CHCHD3: variants seen among roughly 807,000 people sequenced by gnomAD.
The protein encoded by CHCHD3 is MICOS complex subunit MIC19.
A neutral mutation model predicts 38.2 loss-of-function variants in CHCHD3; 20 were observed. That is an observed-to-expected ratio of 0.52 (90% CI 0.37 to 0.76). The LOEUF is 0.76. CHCHD3 is among the 30% of genes least tolerant of loss of function. The probability of loss-of-function intolerance (pLI) is 0.00; values close to 1 mark genes in which losing one functional copy is unlikely to be tolerated. For missense variants in CHCHD3, 245 were observed against 279.2 expected (o/e 0.88, Z 0.87); for synonymous variants, 82 against 100.0 (o/e 0.82, Z 1.07).
At chr7:133,067,061 A>G (rs1175350257) in intron 2 of CHCHD3, among the ~76,000 whole-genome samples, 1 of 152,226 alleles carries the variant, frequency 6.6e-6, no homozygotes, top group East Asian at 1.9e-4. Flanking sequence ...TTTGGGCAAA[A>G]TAATTAATCA....
chr7:133,055,073 C>G (rs1814277197), intron 2 of CHCHD3, among the ~76,000 whole-genome samples: 1 of 151,672 alleles, frequency 6.6e-6, no homozygotes, highest in South Asian at 2.1e-4. Context: ...ACCTTTAATC[C>G]CAGCTACTTG....
At chr7:132,787,867 T>C (rs916086490) in intron 7 of CHCHD3, among the ~76,000 whole-genome samples, 4 of 152,108 alleles carry the variant, frequency 2.6e-5, no homozygotes, top group African/African-American at 9.7e-5. Context: ...GATTCTGTCA[T>C]ACAGGAGGTA....
At chr7:133,076,007 C>T (rs560517525) in intron 1 of CHCHD3, among the ~76,000 whole-genome samples, 3 of 145,026 alleles carry the variant, frequency 2.1e-5, no homozygotes, top group Non-Finnish European at 3.0e-5. Context: ...TGCAATGAGC[C>T]GAGATCGCAC....
At chr7:133,002,166 T>G (rs1029253888) in intron 3 of CHCHD3, among the ~76,000 whole-genome samples, 2 of 152,202 alleles carry the variant, frequency 1.3e-5, no homozygotes, top group African/African-American at 4.8e-5. Flanking sequence ...TGATCTTCAC[T>G]TCAAAGAGAG....
At chr7:133,053,041 C>T (rs1391925748) in intron 2 of CHCHD3, among the ~76,000 whole-genome samples, 2 of 152,210 alleles carry the variant, frequency 1.3e-5, no homozygotes, top group Admixed American at 6.5e-5. Context: ...GTGGCTTTGG[C>T]ACACAGCTCC....
chr7:133,013,206 A>G (rs10244557), intron 3 of CHCHD3, among the ~76,000 whole-genome samples: 1,837 of 108,556 alleles, frequency 0.017, 205 homozygotes, highest in African/African-American at 0.046. Flanking sequence ...AAAAAAAAAA[A>G]CATTCAGACA....
intron 4 of CHCHD3, among the ~76,000 whole-genome samples, chr7:132,946,005 C>T (rs1045039755): frequency 6.6e-6 from 1 of 151,664 alleles, no homozygotes; most frequent in African/African-American, 2.4e-5. Context: ...GCACACTGTC[C>T]AAAGATACAT....
At chr7:132,829,447 C>T (rs1209880293) in intron 6 of CHCHD3, among the ~76,000 whole-genome samples, 1 of 152,006 alleles carries the variant, frequency 6.6e-6, no homozygotes, top group Admixed American at 6.6e-5. Flanking sequence ...GATGTTCCTG[C>T]TGGGGAAGAC....
At chr7:132,872,944 T>G (rs1189681789) in intron 5 of CHCHD3, among the ~76,000 whole-genome samples, 4 of 151,854 alleles carry the variant, frequency 2.6e-5, no homozygotes, top group Non-Finnish European at 5.9e-5. Context: ...CTCTACAAAT[T>G]AGCCAGTCAT....
chr7:132,967,951 T>C (rs1811518638), intron 4 of CHCHD3, among the ~76,000 whole-genome samples: 3 of 152,132 alleles, frequency 2.0e-5, no homozygotes, highest in African/African-American at 7.2e-5. Flanking sequence ...AAACTTTAAA[T>C]CTGTAATCGC....
At chr7:132,954,591 C>T (rs1392251619) in intron 4 of CHCHD3, among the ~76,000 whole-genome samples, 2 of 152,044 alleles carry the variant, frequency 1.3e-5, no homozygotes, top group African/African-American at 4.8e-5. Context: ...TCAACCTGGG[C>T]TGTCTTCAGC....
intron 2 of CHCHD3, among the ~76,000 whole-genome samples, chr7:133,043,266 T>C (rs1813881602): frequency 6.6e-6 from 1 of 152,172 alleles, no homozygotes; most frequent in Non-Finnish European, 1.5e-5. Context: ...AATTTAAATA[T>C]GACACTATAT....
intron 6 of CHCHD3, among the ~76,000 whole-genome samples, chr7:132,816,243 TA>T (rs1237091438): frequency 6.6e-6 from 1 of 152,160 alleles, no homozygotes; most frequent in Non-Finnish European, 1.5e-5. Context: ...CCACATCCTC[TA>T]AAAGGGAAGC....
chr7:132,875,582 AAC>A (rs1158027867), intron 5 of CHCHD3, among the ~76,000 whole-genome samples: 6 of 152,180 alleles, frequency 3.9e-5, no homozygotes, highest in Non-Finnish European at 7.3e-5. Flanking sequence ...TTCTTCACAA[AAC>A]ACACAGCCTC....
At chr7:132,902,009 A>G (rs1809682327) in intron 4 of CHCHD3, among the ~76,000 whole-genome samples, 1 of 152,068 alleles carries the variant, frequency 6.6e-6, no homozygotes, top group African/African-American at 2.4e-5. Context: ...TTTTTGTATA[A>G]GGTGTAAGGA....
At chr7:133,009,321 G>A (rs542774867) in intron 3 of CHCHD3, among the ~76,000 whole-genome samples, 31 of 139,156 alleles carry the variant, frequency 2.2e-4, no homozygotes, top group South Asian at 6.6e-4. Context: ...CCAAGATCGC[G>A]CCACTGCACT....
chr7:132,984,643 G>C (rs1393288367), intron 3 of CHCHD3, among the ~76,000 whole-genome samples: 3 of 147,216 alleles, frequency 2.0e-5, no homozygotes, highest in East Asian at 2.0e-4. Flanking sequence ...GCCGCCCATC[G>C]TCTGAGATGT....
chr7:132,854,111 G>C (rs1285242481), intron 5 of CHCHD3, among the ~76,000 whole-genome samples: 1 of 152,076 alleles, frequency 6.6e-6, no homozygotes, highest in East Asian at 1.9e-4. Flanking sequence ...ACAATTTACG[G>C]CAACATGTTT....
At chr7:132,861,910 G>GT (rs1378628740) in intron 5 of CHCHD3, among the ~76,000 whole-genome samples, 2 of 152,098 alleles carry the variant, frequency 1.3e-5, no homozygotes, top group Non-Finnish European at 2.9e-5. Context: ...GAATAGAAAG[G>GT]TAAGAAAATG....
Sources: allele counts gnomAD v4.1 joint callset (sites outside exome capture counted in the v4.1 genomes callset), GRCh38; gene constraint gnomAD v4.1.1; transcripts MANE v1.5; gene names NCBI Gene and HGNC (gene_info 2026-07-23, HGNC 2026-07-21).